Variants in UNC79 observed in about 807,000 individuals in gnomAD.
UNC79 encodes the protein unc-79 subunit of NALCN channel complex.
A neutral mutation model predicts 283.1 loss-of-function variants in UNC79; 37 were observed. The ratio of observed to expected loss-of-function variants is 0.13; its 90% CI spans 0.10 to 0.17. The LOEUF (loss-of-function observed/expected upper bound fraction) is 0.17. UNC79 is among the 10% of genes least tolerant of loss of function. The pLI, the probability that UNC79 is intolerant of heterozygous loss-of-function variation, is 1.00. For missense variants in UNC79, 2,272 were observed against 3,211.1 expected, an observed-to-expected ratio of 0.71 and a Z score of 7.07; for synonymous variants, 1,107 against 1,200.2, an observed-to-expected ratio of 0.92 and a Z score of 1.61.
intron 1 of UNC79, among the ~76,000 whole-genome samples, chr14:93,400,195 G>A (rs111293960): frequency 6.6e-6 from 1 of 152,106 alleles, no homozygotes; most frequent in Non-Finnish European, 1.5e-5. Flanking sequence ...GGCTGTTTTG[G>A]GATGGTTTAC....
chr14:93,577,850 T>C (rs2063559805), exon 18 of UNC79: 1 of 1,614,048 alleles, frequency 6.2e-7, no homozygotes, highest in Non-Finnish European at 8.5e-7. Context: ...AGGTGAGTGT[T>C]GCCTCTGATC....
At chr14:93,467,000 T>C (rs2057216064) in intron 1 of UNC79, 2 of 737,916 alleles carry the variant, frequency 2.7e-6, no homozygotes, top group Admixed American at 6.3e-5. Flanking sequence ...TCCTAATTTA[T>C]GAGATTCTTT....
intron 40 of UNC79, among the ~76,000 whole-genome samples, chr14:93,673,018 GA>G (rs904358385): frequency 2.0e-5 from 3 of 152,098 alleles, no homozygotes; most frequent in Non-Finnish European, 2.9e-5. Context: ...ATTTTGTGTT[GA>G]AAAAATACTT....
chr14:93,600,524 A>G (rs2065424445), intron 24 of UNC79, 45 bp from the exon 25 acceptor site: 4 of 1,479,814 alleles, frequency 2.7e-6, no homozygotes, highest in Non-Finnish European at 3.7e-6. Context: ...AGATGTTTAT[A>G]TCTGACTTTC....
chr14:93,538,126 G>C lies in UNC79; in HGVS notation c.1260G>C (p.Ala420=), dbSNP rs79294654. The C allele has an allele frequency of 2.5e-6, 4 of 1,613,982 alleles. No individual in the cohort carries two copies. The African/African-American group carries it at 4.0e-5, about 16-fold the overall frequency. ...ACAGTAATGAAGTGGGGGCCGCTGC[G>C]GAGACTCACCTCTATCAGACCTCTC... The change falls in exon 12 of 49, where the codon GCG becomes GCC. Residue 420 remains alanine (A), a synonymous_variant. Transcript: ENST00000555664.
chr14:93,576,894 C>A (rs568864386), intron 17 of UNC79, among the ~76,000 whole-genome samples: 7 of 152,074 alleles, frequency 4.6e-5, no homozygotes, highest in African/African-American at 7.2e-5. Flanking sequence ...GCCTCTAATC[C>A]CAGCACTTCA....
At chr14:93,576,571 G>A (rs981927839) in intron 17 of UNC79, among the ~76,000 whole-genome samples, 1 of 152,174 alleles carries the variant, frequency 6.6e-6, no homozygotes. Context: ...AGTATTATGG[G>A]AAAGCTTAAA....
intron 7 of UNC79, among the ~76,000 whole-genome samples, chr14:93,512,914 CAT>C (rs2059894430): frequency 6.6e-6 from 1 of 152,078 alleles, no homozygotes; most frequent in Non-Finnish European, 1.5e-5. Flanking sequence ...AGTCCTTTCA[CAT>C]GTCTTGTAAA....
intron 26 of UNC79, 63 bp downstream of exon 26, chr14:93,603,481 C>A: frequency 6.4e-7 from 1 of 1,553,256 alleles, no homozygotes; most frequent in South Asian, 1.2e-5. Context: ...GCTGACTTGT[C>A]TTGTTGAATG....
rs147953028 is a variant in UNC79, at chr14:93,662,910, A to T, written c.6636+196A>T. Among the ~76,000 whole-genome samples, 3 of 152,290 alleles carry T rather than the reference A, an allele frequency of 2.0e-5. No individual in the cohort carries two copies. In the East Asian group the frequency reaches 5.8e-4, roughly 29 times the overall value. On this transcript the variant is annotated intron_variant, in intron 40 of 48. Coordinates refer to ENST00000555664, the Ensembl canonical transcript of UNC79. ...CACACACACACACACACACAAACAC[A>T]CATACAATGTCTAAAATATGCACAT...
intron 1 of UNC79, among the ~76,000 whole-genome samples, chr14:93,385,890 T>C (rs547461698): frequency 2.0e-5 from 3 of 152,332 alleles, no homozygotes; most frequent in African/African-American, 7.2e-5. Flanking sequence ...TTTAGGTTTT[T>C]CCAAATATAA....
At chr14:93,467,176 T>C (rs1488115111) in intron 1 of UNC79, among the ~76,000 whole-genome samples, 1 of 152,228 alleles carries the variant, frequency 6.6e-6, no homozygotes, top group Non-Finnish European at 1.5e-5. Flanking sequence ...CTGACTTCAA[T>C]TGATGCCATT....
At position 93,690,191 on chromosome 14, in the gene UNC79, A is replaced by G. The variant is rs1473458985; in HGVS notation, c.7160A>G (p.Asn2387Ser). The G allele has an allele frequency of 1.2e-6, 2 of 1,614,110 alleles. No homozygotes were observed. Among genetic ancestry groups the G allele is most frequent in the Non-Finnish European group, 1.7e-6 (2 of 1,180,014 alleles). ...CTGCTGCTGGGTTCCCTCACTCACA[A>G]TGCAGTGTGCCCAAATGCCTCCTCT... Residue 2387 changes from asparagine (N) to serine (S), a missense_variant, in exon 45 of 49, where the codon AAT becomes AGT. Around this residue, in one of 11 missense-constraint regions of UNC79, gnomAD observed 225 missense variants for 334.2 expected, o/e 0.67. Transcript: ENST00000555664. This position sits in a 1 kb window ranked among gnomAD's most constrained non-coding sequence, Gnocchi z 4.3.
intron 7 of UNC79, among the ~76,000 whole-genome samples, chr14:93,500,386 A>T (rs1172585147): frequency 6.6e-6 from 1 of 152,140 alleles, no homozygotes; most frequent in African/African-American, 2.4e-5. Context: ...GCACTGTCCT[A>T]AGTACTGGGG....
intron 1 of UNC79, among the ~76,000 whole-genome samples, chr14:93,366,582 T>C (rs1167826766): frequency 1.3e-5 from 2 of 151,852 alleles, no homozygotes; most frequent in African/African-American, 2.4e-5. Flanking sequence ...TTTTTTTTTT[T>C]TTTTATTTGA....
At chr14:93,625,606 C>G (rs952963345) in intron 30 of UNC79, among the ~76,000 whole-genome samples, 2 of 152,158 alleles carry the variant, frequency 1.3e-5, no homozygotes, top group Non-Finnish European at 2.9e-5. Flanking sequence ...AGTTTCATCT[C>G]TCATCCTCTG....
intron 1 of UNC79, among the ~76,000 whole-genome samples, chr14:93,405,521 A>G (rs1036927638): frequency 7.2e-5 from 11 of 152,222 alleles, no homozygotes; most frequent in Admixed American, 7.2e-4. Flanking sequence ...TTTCCAACAA[A>G]CAAAGAATAT....
intron 1 of UNC79, among the ~76,000 whole-genome samples, chr14:93,440,435 T>A (rs1317596718): frequency 6.6e-6 from 1 of 152,120 alleles, no homozygotes; most frequent in Non-Finnish European, 1.5e-5. Context: ...ATTTCTAAAT[T>A]AATTTCAGTT....
At chr14:93,465,440 A>G (rs143918695) in intron 1 of UNC79, among the ~76,000 whole-genome samples, 263 of 152,322 alleles carry the variant, frequency 1.7e-3, no homozygotes, top group African/African-American at 6.0e-3. Context: ...ACAAGCTGGT[A>G]TAGAAAAACA....
Sources: gnomAD v4.1 joint callset for allele counts (sites outside exome capture counted in the v4.1 genomes callset) on GRCh38, gnomAD v4.1.1 for gene constraint, gnomAD v4.1.1 regional missense constraint, Gnocchi (gnomAD v3.1) non-coding constraint, MANE v1.5 for transcripts, NCBI Gene and HGNC (gene_info 2026-07-23, HGNC 2026-07-21) for gene names.